Variants in TMEM131 observed in about 807,000 individuals in gnomAD.
The protein encoded by TMEM131 is transmembrane protein 131, also known as 2610524E03Rik.
Under a neutral mutation model 211.6 loss-of-function variants are expected in TMEM131, and 66 were observed. The ratio of observed to expected loss-of-function variants is 0.31; its 90% CI spans 0.26 to 0.38. The LOEUF is 0.38. TMEM131 is among the 10% of genes least tolerant of loss of function. The probability of loss-of-function intolerance (pLI) is 1.00; values close to 1 mark genes in which losing one functional copy is unlikely to be tolerated. For missense variants in TMEM131, 2,036 were observed against 2,299.3 expected (o/e 0.89, Z 2.34); for synonymous variants, 844 against 841.3 (o/e 1.00, Z -0.06).
At chr2:97,865,273 T>C (rs1018724347) in intron 4 of TMEM131, among the ~76,000 whole-genome samples, 2 of 152,240 alleles carry the variant, frequency 1.3e-5, no homozygotes, top group Non-Finnish European at 2.9e-5. Flanking sequence ...AATGTTGTGA[T>C]AGATTGTAAT....
chr2:97,893,920 G>A (rs1246230624), intron 3 of TMEM131, among the ~76,000 whole-genome samples: 4 of 152,126 alleles, frequency 2.6e-5, no homozygotes, highest in African/African-American at 9.7e-5. Flanking sequence ...TGCTGCCATT[G>A]CTTCTGGTGT....
chr2:97,761,896 G>C (rs998060709), intron 36 of TMEM131, 139 bp downstream of exon 36: 2 of 972,656 alleles, frequency 2.1e-6, no homozygotes, highest in Non-Finnish European at 2.9e-6. Context: ...CCAGGTAAAA[G>C]GGTCCACACA....
intron 1 of TMEM131, among the ~76,000 whole-genome samples, chr2:97,937,850 A>G (rs1025580511): frequency 3.6e-4 from 55 of 152,380 alleles, no homozygotes; most frequent in African/African-American, 1.3e-3. Context: ...AAACTCTGCA[A>G]GCCAGAAGAG....
chr2:97,940,681 G>C (rs989609693), intron 1 of TMEM131, among the ~76,000 whole-genome samples: 1 of 151,864 alleles, frequency 6.6e-6, no homozygotes, highest in Non-Finnish European at 1.5e-5. Flanking sequence ...GGTGGCAGGC[G>C]CCTGTTAGTA....
In TMEM131 at chr2:97,796,276, C is replaced by T; in HGVS notation, c.3142G>A (p.Val1048Ile). 1.3e-6 allele frequency: 2 copies of T among 1,573,602 alleles called. No individual in the cohort carries two copies. The highest frequency in any genetic ancestry group is 1.7e-6 in the Non-Finnish European group (2 of 1,158,508). The change falls in exon 28 of 41, where the codon GTT (valine) becomes ATT (isoleucine). Residue 1048 changes from valine (V) to isoleucine (I), a missense_variant. Val to Ile is a conservative substitution (Grantham distance 29). Coordinates refer to ENST00000186436, the MANE Select transcript of TMEM131 (RefSeq NM_015348.2). ...AGAGTAAACTCTTGACAATTAACAA[C>T]TTTAAAGCCATATCCTTCACATGAG... Reference protein sequence around the residue: ...GYSCEGYGFKVVNCQEFTLSA... With the variant: ...GYSCEGYGFKIVNCQEFTLSA...
chr2:97,886,632 C>A (rs1258950308), intron 4 of TMEM131, among the ~76,000 whole-genome samples: 1 of 152,156 alleles, frequency 6.6e-6, no homozygotes, highest in Non-Finnish European at 1.5e-5. Flanking sequence ...GCTCACAAGG[C>A]TGTTTCTCAG....
intron 2 of TMEM131, among the ~76,000 whole-genome samples, chr2:97,925,771 T>C (rs896877455): frequency 2.0e-5 from 3 of 152,152 alleles, no homozygotes; most frequent in African/African-American, 7.2e-5. Flanking sequence ...TTAAAATTTA[T>C]TTTTTTACTG....
At chr2:97,950,314 A>T (rs987148222) in intron 1 of TMEM131, among the ~76,000 whole-genome samples, 1 of 152,278 alleles carries the variant, frequency 6.6e-6, no homozygotes, top group African/African-American at 2.4e-5. Flanking sequence ...ATAAAGATTT[A>T]AAAAGCTACG....
At chr2:97,974,689 T>C (rs1280773028) in intron 1 of TMEM131, among the ~76,000 whole-genome samples, 1 of 151,770 alleles carries the variant, frequency 6.6e-6, no homozygotes, top group Non-Finnish European at 1.5e-5. Context: ...GGGAAGACAG[T>C]ATCTCTTTAA....
chr2:97,856,972 A>G (rs1362171223), intron 5 of TMEM131, among the ~76,000 whole-genome samples: 3 of 152,200 alleles, frequency 2.0e-5, no homozygotes, highest in African/African-American at 7.2e-5. Context: ...CACAAAACAG[A>G]TTGGTTAACT....
At chr2:97,804,166 T>C (rs949766108) in intron 22 of TMEM131, among the ~76,000 whole-genome samples, 2 of 152,220 alleles carry the variant, frequency 1.3e-5, no homozygotes, top group East Asian at 1.9e-4. Context: ...TCAGCTGCCA[T>C]ACTATCATTA....
chr2:97,816,011 T>G (rs909423420), intron 12 of TMEM131, among the ~76,000 whole-genome samples: 2 of 152,178 alleles, frequency 1.3e-5, no homozygotes, highest in African/African-American at 4.8e-5. Flanking sequence ...TGTCCTCATC[T>G]TAGATGAAGT....
At chr2:97,810,514 G>A (rs922328344) in intron 18 of TMEM131, among the ~76,000 whole-genome samples, 1 of 152,106 alleles carries the variant, frequency 6.6e-6, no homozygotes, top group South Asian at 2.1e-4. Flanking sequence ...GGCAAAGGTG[G>A]TAAGTTGTTG....
intron 1 of TMEM131, among the ~76,000 whole-genome samples, chr2:97,962,026 G>T (rs1678839981): frequency 6.6e-6 from 1 of 152,074 alleles, no homozygotes; most frequent in South Asian, 2.1e-4. Flanking sequence ...ATGGATTACA[G>T]ACCTAAATAA....
At chr2:97,983,522 A>G (rs575077834) in intron 1 of TMEM131, among the ~76,000 whole-genome samples, 7 of 152,158 alleles carry the variant, frequency 4.6e-5, no homozygotes, top group Non-Finnish European at 1.0e-4. Context: ...CAAAAAGGAG[A>G]TGGAGGCTGC....
At chr2:97,916,958 C>T (rs946817221) in intron 2 of TMEM131, among the ~76,000 whole-genome samples, 2 of 152,090 alleles carry the variant, frequency 1.3e-5, no homozygotes, top group Admixed American at 6.6e-5. Flanking sequence ...AAATTTTCTA[C>T]AAGCTTATAT....
At chr2:97,837,033 G>T in intron 8 of TMEM131, 44 bp downstream of exon 8, 1 of 1,491,244 alleles carries the variant, frequency 6.7e-7, no homozygotes, top group Non-Finnish European at 9.4e-7. Flanking sequence ...AGAATAATCG[G>T]TTTCATGGGA....
chr2:97,896,053 C>G (rs1183430924), intron 3 of TMEM131, among the ~76,000 whole-genome samples: 1 of 152,178 alleles, frequency 6.6e-6, no homozygotes, highest in Non-Finnish European at 1.5e-5. Flanking sequence ...CCCGGAGATT[C>G]TGGTACATTG....
At position 97,814,393 on chromosome 2, in the gene TMEM131, T is replaced by TA. The variant is rs532024219; in HGVS notation, c.1293-6dup. ...GCATGATCAAATCCCAAATAACTAT[T>TA]AAAAAAAACAACAAGAACAAAATAA... On this transcript the variant is annotated splice_polypyrimidine_tract_variant and splice_region_variant and intron_variant, in intron 13 of 40. Transcript: ENST00000186436. 2.0e-3 allele frequency: 3,150 copies of TA among 1,576,330 alleles called. 4 individuals are homozygous for TA. The highest frequency in any genetic ancestry group is 4.0e-3 in the Admixed American group (202 of 51,096).
Sources: gnomAD v4.1 joint callset for allele counts (sites outside exome capture counted in the v4.1 genomes callset) on GRCh38, gnomAD v4.1.1 for gene constraint, MANE v1.5 for transcripts, NCBI Gene and HGNC (gene_info 2026-07-23, HGNC 2026-07-21) for gene names.